Variants in FOXP2 observed in about 807,000 individuals in gnomAD.
FOXP2 encodes the protein forkhead box P2.
FOXP2 carries 12 observed loss-of-function variants against 115.8 expected under a neutral mutation model. That is an observed-to-expected ratio of 0.10 (90% CI 0.07 to 0.17). The LOEUF (loss-of-function observed/expected upper bound fraction) is 0.17, where lower values mean the gene tolerates loss of function less well. FOXP2 is among the 10% of genes least tolerant of loss of function. FOXP2 has a pLI of 1.00. For missense variants in FOXP2, 629 were observed against 843.5 expected (o/e 0.75, Z 3.15); for synonymous variants, 328 against 297.7 (o/e 1.10, Z -1.05).
At chr7:114,218,758 T>C (rs139136989) in intron 1 of FOXP2, among the ~76,000 whole-genome samples, 1 of 152,358 alleles carries the variant, frequency 6.6e-6, no homozygotes, top group East Asian at 1.9e-4. Context: ...GGTTCTATTA[T>C]GTGCTGTTTA....
At chr7:114,688,249 C>CCT (rs754486542) in intron 16 of FOXP2, among the ~76,000 whole-genome samples, 1 of 116,536 alleles carries the variant, frequency 8.6e-6, no homozygotes, top group Admixed American at 8.7e-5. Context: ...ACACACACAT[C>CCT]TTTTTTTTTT....
chr7:114,356,966 C>T (rs1228239797), intron 2 of FOXP2, among the ~76,000 whole-genome samples: 9 of 152,166 alleles, frequency 5.9e-5, no homozygotes, highest in Admixed American at 6.6e-5. Flanking sequence ...TGACAAAGAG[C>T]GTATTTCAAC....
chr7:114,690,550 G>A lies in FOXP2; in HGVS notation c.*624G>A. 1 of 454,064 alleles carries A rather than the reference G, an allele frequency of 2.2e-6. No homozygotes were observed. Among genetic ancestry groups the A allele is most frequent in the Non-Finnish European group, 4.4e-6 (1 of 226,782 alleles). 28.1% of individuals were successfully genotyped at this position (454,064 alleles called of 1,614,324 possible). A position where few individuals can be genotyped will look rare whatever the true frequency, so the allele number is the denominator to read the frequency against. On this transcript the variant is annotated 3_prime_UTR_variant, in exon 17 of 17. Coordinates refer to ENST00000350908, the MANE Select transcript of FOXP2 (RefSeq NM_014491.4). ...TATTACAAAACACAGTAATTAGACT[G>A]TTGCAACCATCTAAAACCTTAGGCT...
At chr7:114,560,042 C>T (rs1376746098) in intron 3 of FOXP2, among the ~76,000 whole-genome samples, 1 of 152,050 alleles carries the variant, frequency 6.6e-6, no homozygotes, top group Non-Finnish European at 1.5e-5. Context: ...ACTAAACTTT[C>T]TTTGTTAAGC....
intron 2 of FOXP2, among the ~76,000 whole-genome samples, chr7:114,403,979 C>T (rs1420340026): frequency 6.6e-6 from 1 of 152,156 alleles, no homozygotes; most frequent in African/African-American, 2.4e-5. Flanking sequence ...CTCTTTTCTT[C>T]TGCCCTCCTA....
At chr7:114,332,818 C>G (rs551116213) in intron 2 of FOXP2, among the ~76,000 whole-genome samples, 1 of 152,268 alleles carries the variant, frequency 6.6e-6, no homozygotes, top group Middle Eastern at 3.4e-3. Context: ...GATGCTGGCT[C>G]TGCTTCTACC....
intron 2 of FOXP2, among the ~76,000 whole-genome samples, chr7:114,436,827 G>A (rs1487210849): frequency 6.6e-6 from 1 of 152,042 alleles, no homozygotes; most frequent in African/African-American, 2.4e-5. Flanking sequence ...AGAATGAGTA[G>A]AAGTTAGCTA....
intron 2 of FOXP2, among the ~76,000 whole-genome samples, chr7:114,395,557 T>C (rs1290473148): frequency 6.6e-6 from 1 of 152,132 alleles, no homozygotes. Flanking sequence ...AAGCAAGGAA[T>C]TTTTATGTGT....
At chr7:114,469,611 T>A (rs1459430567) in intron 2 of FOXP2, among the ~76,000 whole-genome samples, 1 of 152,216 alleles carries the variant, frequency 6.6e-6, no homozygotes, top group Non-Finnish European at 1.5e-5. Context: ...TAAGTTGATG[T>A]GTTGATAAAA....
intron 2 of FOXP2, among the ~76,000 whole-genome samples, chr7:114,477,592 T>A (rs1335107710): frequency 2.0e-5 from 3 of 151,902 alleles, no homozygotes; most frequent in African/African-American, 7.2e-5. Context: ...CTCAACATCA[T>A]GTAATATTCC....
intron 16 of FOXP2, chr7:114,667,944 A>G (rs1807261245): frequency 6.6e-6 from 1 of 152,158 alleles, no homozygotes; most frequent in African/African-American, 2.4e-5. Context: ...GAATCCGTAT[A>G]AGAAGTGCTG....
chr7:114,594,281 C>A (rs1584933892), intron 3 of FOXP2, among the ~76,000 whole-genome samples: 1 of 151,906 alleles, frequency 6.6e-6, no homozygotes, highest in African/African-American at 2.4e-5. Context: ...TGCTCAATGT[C>A]CTGTGGGGCT....
At chr7:114,381,446 A>C (rs1232460372) in intron 2 of FOXP2, among the ~76,000 whole-genome samples, 1 of 152,186 alleles carries the variant, frequency 6.6e-6, no homozygotes, top group Non-Finnish European at 1.5e-5. Flanking sequence ...GTCTTGGGCT[A>C]ATGCCTGGCC....
chr7:114,556,110 G>A (rs533435868), intron 3 of FOXP2, among the ~76,000 whole-genome samples: 1 of 152,292 alleles, frequency 6.6e-6, no homozygotes, highest in Non-Finnish European at 1.5e-5. Context: ...GGCATCATGA[G>A]AATTTTCATG....
chr7:114,208,996 G>A (rs1001832567), intron 1 of FOXP2, among the ~76,000 whole-genome samples: 1 of 152,110 alleles, frequency 6.6e-6, no homozygotes, highest in Non-Finnish European at 1.5e-5. Flanking sequence ...AATTTGGGAG[G>A]GGCTGAAGTG....
intron 2 of FOXP2, among the ~76,000 whole-genome samples, chr7:114,388,676 T>A (rs555184007): frequency 9.2e-5 from 14 of 152,318 alleles, no homozygotes; most frequent in African/African-American, 3.4e-4. Flanking sequence ...AAGGAGATTA[T>A]AACAAAATTT....
intron 1 of FOXP2, among the ~76,000 whole-genome samples, chr7:114,415,714 AGT>A (rs1793308786): frequency 2.6e-5 from 4 of 151,958 alleles, no homozygotes; most frequent in Non-Finnish European, 4.4e-5. Context: ...TCTTGCTTTT[AGT>A]AAATGCCCCA....
intron 1 of FOXP2, among the ~76,000 whole-genome samples, chr7:114,174,308 T>C (rs1057387728): frequency 1.3e-5 from 2 of 151,992 alleles, no homozygotes; most frequent in African/African-American, 2.4e-5. Flanking sequence ...AGAATTCTTA[T>C]AGGAATGATA....
At chr7:114,582,931 A>T (rs1007371792) in intron 3 of FOXP2, among the ~76,000 whole-genome samples, 2 of 152,230 alleles carry the variant, frequency 1.3e-5, no homozygotes, top group Non-Finnish European at 2.9e-5. Context: ...ATATAAAGAT[A>T]TGCCAAGATA....
Sources: gnomAD v4.1 joint callset for allele counts (sites outside exome capture counted in the v4.1 genomes callset) on GRCh38, gnomAD v4.1.1 for gene constraint, MANE v1.5 for transcripts, NCBI Gene and HGNC (gene_info 2026-07-23, HGNC 2026-07-21) for gene names.